Variants in TANC1 observed in about 807,000 individuals in gnomAD.
The protein encoded by TANC1 is tetratricopeptide repeat, ankyrin repeat and coiled-coil containing 1, also known as protein TANC1.
TANC1 carries 77 observed loss-of-function variants against 149.7 expected under a neutral mutation model. The ratio of observed to expected loss-of-function variants is 0.51; its 90% CI spans 0.43 to 0.62. TANC1 has a LOEUF of 0.62. Ranked by LOEUF, TANC1 falls within the 20% of genes least tolerant of loss-of-function variation. TANC1 has a pLI of 0.00. For missense variants in TANC1, 1,985 were observed against 2,321.8 expected (o/e 0.85, Z 2.98); for synonymous variants, 854 against 925.0 (o/e 0.92, Z 1.39).
At chr2:159,119,940 G>A (rs889452771) in intron 4 of TANC1, among the ~76,000 whole-genome samples, 4 of 152,214 alleles carry the variant, frequency 2.6e-5, no homozygotes, top group Admixed American at 6.5e-5. Flanking sequence ...CATCAACAAT[G>A]AGGTCAGAGG....
chr2:158,991,114 AAG>A (rs2035583756), intron 1 of TANC1, among the ~76,000 whole-genome samples: 2 of 150,538 alleles, frequency 1.3e-5, no homozygotes, highest in Admixed American at 6.6e-5. Flanking sequence ...AAAAAAAAAA[AAG>A]TAGAAAAAAC....
Position 158,989,321 on chromosome 2 carries a change from T to A in TANC1, c.-125-11759T>A, listed in dbSNP as rs1005934808. Among the ~76,000 whole-genome samples the A allele has an allele frequency of 5.3e-5, 8 of 151,992 alleles. No homozygotes were observed. The South Asian group carries it at 1.7e-3, about 32-fold the overall frequency. ...GGAACAGGCATTTAAGTTTAGCAAT[T>A]CAGGCCAGGCACAGTGGCTCACGCC... On this transcript the variant is annotated intron_variant, in intron 1 of 26. Coordinates refer to ENST00000263635, the MANE Select transcript of TANC1 (RefSeq NM_033394.3).
At chr2:159,058,624 A>T (rs898013351) in intron 2 of TANC1, among the ~76,000 whole-genome samples, 1 of 152,214 alleles carries the variant, frequency 6.6e-6, no homozygotes, top group African/African-American at 2.4e-5. Flanking sequence ...TGGCCTGAGA[A>T]GGCTTTATGG....
intron 5 of TANC1, among the ~76,000 whole-genome samples, chr2:159,145,382 G>A (rs2051947130): frequency 6.6e-6 from 1 of 152,260 alleles, no homozygotes; most frequent in Non-Finnish European, 1.5e-5. Flanking sequence ...ATAGCATCTT[G>A]TGGTTTATAA....
intron 2 of TANC1, among the ~76,000 whole-genome samples, chr2:159,055,595 A>T (rs1457487764): frequency 6.6e-6 from 1 of 152,250 alleles, no homozygotes; most frequent in African/African-American, 2.4e-5. Context: ...TTCTTTAAAA[A>T]GAACCAGACT....
chr2:159,191,995 T>C (rs2057479913), intron 16 of TANC1, among the ~76,000 whole-genome samples: 1 of 152,108 alleles, frequency 6.6e-6, no homozygotes, highest in South Asian at 2.1e-4. Flanking sequence ...TAAAGGAGCA[T>C]CATTTGTATC....
At chr2:159,046,764 C>T (rs933435334) in intron 2 of TANC1, among the ~76,000 whole-genome samples, 2 of 150,630 alleles carry the variant, frequency 1.3e-5, no homozygotes, top group African/African-American at 4.9e-5. Flanking sequence ...CCAGGCCTGG[C>T]TAATTTTTTT....
At chr2:159,019,818 C>T (rs1300704661) in intron 2 of TANC1, among the ~76,000 whole-genome samples, 3 of 151,676 alleles carry the variant, frequency 2.0e-5, no homozygotes, top group Admixed American at 6.6e-5. Context: ...GACGGGGTTT[C>T]GACATGTTGG....
chr2:159,229,866 C>G lies in TANC1; in HGVS notation c.4440C>G (p.Ser1480=), dbSNP rs2060245488. The G allele has an allele frequency of 6.2e-7, 1 of 1,614,138 alleles. No individual in the cohort carries two copies. The part of the protein sequence containing the change: ...SVSPTPRSQP[S]SSVPSSYIRN... ...CCCCAACTCCCAGGTCCCAGCCATC[C>G]TCATCTGTCCCTTCCTCATACATCC... Residue 1480 remains serine (S), a synonymous_variant, in exon 27 of 27, where the codon TCC becomes TCG. Coordinates refer to ENST00000263635, the MANE Select transcript of TANC1 (RefSeq NM_033394.3).
At position 159,135,934 on chromosome 2, in the gene TANC1, C is replaced by T. The variant is rs1462052186; in HGVS notation, c.260-260C>T. On this transcript the variant is annotated intron_variant, in intron 4 of 26. Transcript: ENST00000263635. The stretch of plus-strand genomic sequence containing the variant: ...TTGTTTTTGTTAGGGTTTACATTCT[C>T]AAATCTGAGCTTACTCTTTTCTTCT... 2.0e-5 allele frequency among the ~76,000 whole-genome samples: 3 copies of T among 151,960 alleles called. No homozygotes were observed. In the East Asian group the frequency reaches 5.8e-4, roughly 29 times the overall value.
intron 2 of TANC1, among the ~76,000 whole-genome samples, chr2:159,037,561 C>T (rs1360633179): frequency 1.3e-5 from 2 of 152,158 alleles, no homozygotes; most frequent in African/African-American, 2.4e-5. Context: ...CCAGTTTCAG[C>T]TTTCTACATA....
chr2:159,217,463 C>G, intron 19 of TANC1, 34 bp from the exon 20 acceptor site: 1 of 1,613,272 alleles, frequency 6.2e-7, no homozygotes, highest in Admixed American at 1.7e-5. Flanking sequence ...CCACCACATG[C>G]TAACAGATTC....
rs949319813 is a variant in TANC1 at position 159,136,140 on chromosome 2, G to A, written c.260-54G>A. ...TAAGGACACACACTGTACATTCCAA[G>A]GCTTTGTTTGCATCTGGAAAAAATT... On this transcript the variant is annotated intron_variant, in intron 4 of 26. Transcript: ENST00000263635. 8.4e-6 allele frequency: 9 copies of A among 1,077,250 alleles called. No homozygotes were observed. The East Asian group carries it at 9.4e-5, about 11-fold the overall frequency. 66.7% of individuals were successfully genotyped at this position (1,077,250 alleles called of 1,614,324 possible).
intron 24 of TANC1, chr2:159,226,253 A>C (rs571494248): frequency 1.1e-5 from 2 of 176,548 alleles, no homozygotes; most frequent in East Asian, 3.6e-4. Flanking sequence ...GCAGAATCTT[A>C]AAGGTAGAAA....
intron 8 of TANC1, among the ~76,000 whole-genome samples, chr2:159,164,433 T>A (rs1329357511): frequency 2.6e-5 from 4 of 152,178 alleles, no homozygotes; most frequent in African/African-American, 9.7e-5. Context: ...ATCTGAGGAT[T>A]TCGGTATCCT....
In TANC1 at chr2:159,217,502, A is replaced by G. The variant is rs1446380098; in HGVS notation, c.3250A>G (p.Thr1084Ala). ...TDTLWGETAL[T>A]AAAGRGKLEV... ...TCCATGTGACTTTCCTTTAGCCCTG[A>G]CTGCCGCCGCAGGAAGAGGGAAGCT... Residue 1084 changes from threonine to alanine, a missense_variant, in exon 20 of 27, where the codon ACT (threonine) becomes GCT (alanine). Around this residue, in one of 3 missense-constraint regions of TANC1, gnomAD observed 920 missense variants for 994.7 expected, o/e 0.92. Coordinates refer to ENST00000263635, the MANE Select transcript of TANC1 (RefSeq NM_033394.3). 1.2e-6 allele frequency: 2 copies of G among 1,614,164 alleles called. No individual in the cohort carries two copies. Among genetic ancestry groups the G allele is most frequent in the East Asian group, 4.5e-5 (2 of 44,878 alleles).
intron 19 of TANC1, among the ~76,000 whole-genome samples, chr2:159,206,347 C>T (rs2058605074): frequency 6.6e-6 from 1 of 152,168 alleles, no homozygotes; most frequent in South Asian, 2.1e-4. Context: ...ATACCCTATC[C>T]TCCTGGTCTC....
At chr2:159,097,969 TC>T (rs1166929451) in intron 4 of TANC1, 135 bp downstream of exon 4, 17 of 715,318 alleles carry the variant, frequency 2.4e-5, no homozygotes, top group Non-Finnish European at 3.3e-5. Flanking sequence ...AAGAAATAAA[TC>T]TTTTTTTTTT....
intron 4 of TANC1, among the ~76,000 whole-genome samples, chr2:159,108,707 CA>C (rs2047428030): frequency 6.6e-6 from 1 of 152,106 alleles, no homozygotes; most frequent in Admixed American, 6.5e-5. Flanking sequence ...CGTCTGTTGG[CA>C]GGGGTGGCTG....
Sources: gnomAD v4.1 joint callset for allele counts (sites outside exome capture counted in the v4.1 genomes callset) on GRCh38, gnomAD v4.1.1 for gene constraint, gnomAD v4.1.1 regional missense constraint, MANE v1.5 for transcripts, NCBI Gene and HGNC (gene_info 2026-07-23, HGNC 2026-07-21) for gene names.